Variants in MGA observed in about 807,000 individuals in gnomAD.
MGA encodes the protein MAX gene-associated protein.
A neutral mutation model predicts 261.1 loss-of-function variants in MGA; 40 were observed. That is an observed-to-expected ratio of 0.15 (90% CI 0.12 to 0.20). The LOEUF is 0.20. MGA is among the 10% of genes least tolerant of loss of function. The pLI, the probability that MGA is intolerant of heterozygous loss-of-function variation, is 1.00. For synonymous variants in MGA, 1,302 were observed against 1,290.6 expected (o/e 1.01, Z -0.19); for missense variants, 3,397 against 3,630.5 (o/e 0.94, Z 1.65).
chr15:41,638,853 C>A (rs777840094), intron 1 of MGA, among the ~76,000 whole-genome samples: 2 of 151,728 alleles, frequency 1.3e-5, no homozygotes, highest in African/African-American at 4.8e-5. Context: ...ACCATGCCTG[C>A]GCCACCATGC....
Position 41,742,742 on chromosome 15 carries a change from T to A in MGA, c.4782T>A (p.Thr1594=). The A allele has an allele frequency of 1.9e-6, 3 of 1,613,930 alleles. No homozygotes were observed. The highest frequency in any genetic ancestry group is 2.5e-6 in the Non-Finnish European group (3 of 1,179,804). ...CAGTTCAGGTGTGCAGCCCTGTGACTGCTGCTGTCACTACTACCACCCCTC... is the reference window on the plus strand; with the variant it reads ...CAGTTCAGGTGTGCAGCCCTGTGACAGCTGCTGTCACTACTACCACCCCTC... Residue 1594 remains threonine, a synonymous_variant, in exon 15 of 24, where the codon ACT becomes ACA. Transcript: ENST00000219905.
chr15:41,734,511 G>T lies in MGA; in HGVS notation c.3844-11G>T, dbSNP rs1466513631. The T allele has an allele frequency of 6.3e-7, 1 of 1,599,284 alleles. No homozygotes were observed. The highest frequency in any genetic ancestry group is 8.5e-7 in the Non-Finnish European group (1 of 1,170,194). On this transcript the variant is annotated splice_polypyrimidine_tract_variant and intron_variant, in intron 11 of 23. Transcript: ENST00000219905. Reference sequence around the variant, plus strand: ...TAAGTTAAAGTATTTCTGTGTTACTGTCTCCTTCAGGAACCTGATTCTGAA... The same window carrying T: ...TAAGTTAAAGTATTTCTGTGTTACTTTCTCCTTCAGGAACCTGATTCTGAA...
At chr15:41,659,378 CATGTCACGTAGT>C (rs1215646680), upstream of MGA, among the ~76,000 whole-genome samples, 1 of 152,152 alleles carries the variant, frequency 6.6e-6, no homozygotes, top group African/African-American at 2.4e-5. Flanking sequence ...TGTCACATAG[CATGTCACGTAGT>C]AGGTTCTCAG....
chr15:41,683,848 T>C (rs1244663667), intron 2 of MGA, among the ~76,000 whole-genome samples: 1 of 152,120 alleles, frequency 6.6e-6, no homozygotes, highest in Non-Finnish European at 1.5e-5. Context: ...CACAAACTGC[T>C]GGGATTACAG....
intron 15 of MGA, among the ~76,000 whole-genome samples, chr15:41,748,408 GC>G (rs1164518518): frequency 6.6e-6 from 1 of 152,128 alleles, no homozygotes. Flanking sequence ...ACAGAAATAA[GC>G]CAGGTGTGCT....
chr15:41,721,480 A>G (rs78054663), intron 9 of MGA, among the ~76,000 whole-genome samples: 264 of 152,306 alleles, frequency 1.7e-3, no homozygotes, highest in Non-Finnish European at 2.8e-3. Flanking sequence ...AAATAAATAA[A>G]AGCAGATATT....
intron 5 of MGA, among the ~76,000 whole-genome samples, chr15:41,702,490 T>A (rs1271008535): frequency 1.3e-5 from 2 of 152,234 alleles, no homozygotes; most frequent in African/African-American, 4.8e-5. Flanking sequence ...GAATTTCAAC[T>A]TAATGTCATA....
chr15:41,625,272 A>G (rs1200809423), intron 1 of MGA, among the ~76,000 whole-genome samples: 1 of 152,144 alleles, frequency 6.6e-6, no homozygotes, highest in Admixed American at 6.6e-5. Flanking sequence ...ATAAAGTTAA[A>G]AGACAAATTT....
intron 2 of MGA, among the ~76,000 whole-genome samples, chr15:41,691,364 TTG>T (rs563532914): frequency 1.3e-5 from 2 of 151,770 alleles, no homozygotes; most frequent in African/African-American, 2.4e-5. Flanking sequence ...GAAAAACAAT[TTG>T]TGTGTGTGTG....
At position 41,734,525 on chromosome 15, in the gene MGA, C is replaced by G; in HGVS notation, c.3847C>G (p.Pro1283Ala). 1 of 1,606,770 alleles carries G rather than the reference C, an allele frequency of 6.2e-7. No individual in the cohort carries two copies. Among genetic ancestry groups the G allele is most frequent in the Admixed American group, 1.7e-5 (1 of 59,178 alleles). The change falls in exon 12 of 24, where the codon CCT (proline) becomes GCT (alanine). Residue 1283 changes from proline (P) to alanine (A), a missense_variant. This residue lies in a region of MGA where 1,410 missense variants were observed against 1,386.4 expected (regional missense o/e 1.02). Coordinates refer to ENST00000219905, the MANE Select transcript of MGA (RefSeq NM_001164273.2). The stretch of plus-strand genomic sequence containing the variant: ...TCTGTGTTACTGTCTCCTTCAGGAA[C>G]CTGATTCTGAACAGCAGCCCTTAAA...
At chr15:41,761,209 G>C (rs958449773) in intron 20 of MGA, among the ~76,000 whole-genome samples, 1 of 152,202 alleles carries the variant, frequency 6.6e-6, no homozygotes, top group Non-Finnish European at 1.5e-5. Flanking sequence ...ATAAAGCACA[G>C]CATAAGTGAT....
chr15:41,645,005 A>G (rs915262783), intron 1 of MGA, among the ~76,000 whole-genome samples: 48 of 152,262 alleles, frequency 3.2e-4, no homozygotes, highest in African/African-American at 1.1e-3. Flanking sequence ...AAAATAAAAA[A>G]TGTAATTGTT....
chr15:41,767,438 G>A lies in MGA; in HGVS notation c.*158G>A. 1 of 720,854 alleles carries A rather than the reference G, an allele frequency of 1.4e-6. No homozygotes were observed. Among genetic ancestry groups the A allele is most frequent in the Non-Finnish European group, 2.3e-6 (1 of 444,256 alleles). 44.7% of individuals were successfully genotyped at this position (720,854 alleles called of 1,614,324 possible). A position where few individuals can be genotyped will look rare whatever the true frequency, so the allele number is the denominator to read the frequency against. ...AGAAAGGGGGTAGGGTGCTGACCCT[G>A]GTATAAGAAGTACTCTGAAATTCTG... On this transcript the variant is annotated 3_prime_UTR_variant, in exon 24 of 24. Transcript: ENST00000219905.
chr15:41,739,856 TA>T (rs769209915), intron 13 of MGA, 49 bp from the exon 14 acceptor site: 2 of 1,567,544 alleles, frequency 1.3e-6, no homozygotes, highest in East Asian at 4.6e-5. Context: ...GGAGAGGAGT[TA>T]GCAAGAGAAT....
At chr15:41,734,635 T>C in intron 12 of MGA, 41 bp downstream of exon 12, 1 of 1,421,556 alleles carries the variant, frequency 7.0e-7, no homozygotes, top group South Asian at 1.3e-5. Flanking sequence ...ATAAAAATTA[T>C]TTAGGTCTAG....
chr15:41,722,362 C>T (rs1016519268), intron 9 of MGA, among the ~76,000 whole-genome samples: 5 of 152,050 alleles, frequency 3.3e-5, no homozygotes, highest in African/African-American at 1.2e-4. Flanking sequence ...ATCTGCTGAC[C>T]TCGTGATCCG....
At chr15:41,624,765 T>A (rs2056404908) in intron 1 of MGA, among the ~76,000 whole-genome samples, 2 of 152,200 alleles carry the variant, frequency 1.3e-5, no homozygotes, top group Admixed American at 6.5e-5. Flanking sequence ...CCACTGCTCC[T>A]GGCCCAAATT....
chr15:41,646,327 T>C lies in MGA; in HGVS notation c.-67-22501T>C, dbSNP rs1405362034. Among the ~76,000 whole-genome samples, 6 of 151,766 alleles carry C rather than the reference T, an allele frequency of 4.0e-5. No individual in the cohort carries two copies. In the East Asian group the frequency reaches 1.2e-3, roughly 29 times the overall value. ...GAGGAGATATTCCATTTTATTTTATTAATATTTATTAATTTTTTTCTATTT... is the reference window on the plus strand; with the variant it reads ...GAGGAGATATTCCATTTTATTTTATCAATATTTATTAATTTTTTTCTATTT... On this transcript the variant is annotated intron_variant, in intron 1 of 8. Coordinates refer to the MGA transcript ENST00000566718.
chr15:41,625,052 A>G (rs1418679373), intron 1 of MGA, among the ~76,000 whole-genome samples: 1 of 152,048 alleles, frequency 6.6e-6, no homozygotes, highest in Non-Finnish European at 1.5e-5. Flanking sequence ...CTGAGATGGG[A>G]AGATCACTTG....
Sources: gnomAD v4.1 joint callset for allele counts (sites outside exome capture counted in the v4.1 genomes callset) on GRCh38, gnomAD v4.1.1 for gene constraint, gnomAD v4.1.1 regional missense constraint, MANE v1.5 for transcripts, NCBI Gene and HGNC (gene_info 2026-07-23, HGNC 2026-07-21) for gene names.